ASTN2: variants seen among roughly 807,000 people sequenced by gnomAD.
The protein encoded by ASTN2 is astrotactin 2, also known as astrotactin-2.
In ASTN2, 54 loss-of-function variants were observed where a neutral mutation model predicts 139.8. The observed-to-expected ratio is 0.39, with a 90% CI of 0.31 to 0.48. The LOEUF is 0.48. Among genes scored for constraint, ASTN2 ranks in the 20% least tolerant of loss-of-function variants. The pLI, the probability that ASTN2 is intolerant of heterozygous loss-of-function variation, is 0.95. For synonymous variants in ASTN2, 756 were observed against 719.5 expected (o/e 1.05, Z -0.81); for missense variants, 1,565 against 1,725.1 (o/e 0.91, Z 1.64).
At chr9:116,878,075 T>G (rs1833351381) in intron 10 of ASTN2, among the ~76,000 whole-genome samples, 1 of 152,224 alleles carries the variant, frequency 6.6e-6, no homozygotes, top group Non-Finnish European at 1.5e-5. Context: ...CTGGTGAAGC[T>G]GTGGACAAAT....
At chr9:116,586,837 C>CACACACACACACATACAT (rs1554717132) in intron 19 of ASTN2, among the ~76,000 whole-genome samples, 1 of 149,234 alleles carries the variant, frequency 6.7e-6, no homozygotes, top group Non-Finnish European at 1.5e-5. Context: ...TACATACACA[C>CACACACACACACATACAT]ACACACACAC....
rs1377016960 is a variant in ASTN2 at position 116,904,884 on chromosome 9, G to A, written c.1890-41151C>T. 2.0e-5 allele frequency among the ~76,000 whole-genome samples: 3 copies of A among 152,246 alleles called. No individual in the cohort carries two copies. The East Asian group carries it at 5.8e-4, about 29-fold the overall frequency. On this transcript the variant is annotated intron_variant, in intron 10 of 22. Coordinates refer to ENST00000313400, the MANE Select transcript of ASTN2 (RefSeq NM_001365068.1). ...CTCTAGAAATTCATTTGGTGGTAAC[G>A]TTACAGCTCTATGTTTGCAGCCATT...
intron 1 of ASTN2, among the ~76,000 whole-genome samples, chr9:117,343,695 ACTC>A (rs1829127577): frequency 6.6e-6 from 1 of 152,004 alleles, no homozygotes; most frequent in Non-Finnish European, 1.5e-5. Context: ...GCACATTCTA[ACTC>A]CACCCACATA....
rs993822633 is a variant in ASTN2 at position 116,424,847 on chromosome 9, C to T, written c.*1004G>A. ...CAAGTGATCCACCTGCCCTGGCCTC[C>T]CAAAGTGCTAGGATTACAGGCATGA... On this transcript the variant is annotated 3_prime_UTR_variant, in exon 23 of 23. Coordinates refer to ENST00000313400, the MANE Select transcript of ASTN2 (RefSeq NM_001365068.1). Among the ~76,000 whole-genome samples the T allele has an allele frequency of 1.4e-4, 22 of 152,242 alleles. No homozygotes were observed. The highest frequency in any genetic ancestry group is 3.4e-3 in the Middle Eastern group (1 of 294).
At chr9:117,028,049 C>G (rs1838147089) in intron 6 of ASTN2, among the ~76,000 whole-genome samples, 1 of 152,092 alleles carries the variant, frequency 6.6e-6, no homozygotes, top group South Asian at 2.1e-4. Flanking sequence ...TGTTCTTTCC[C>G]CCACCTCACC....
At chr9:116,970,451 G>T (rs913509970) in intron 10 of ASTN2, among the ~76,000 whole-genome samples, 1 of 152,174 alleles carries the variant, frequency 6.6e-6, no homozygotes, top group African/African-American at 2.4e-5. Context: ...ACCTCCAGGT[G>T]GGTTTGACCA....
chr9:116,826,799 T>C (rs2132278293), intron 11 of ASTN2, among the ~76,000 whole-genome samples: 1 of 152,270 alleles, frequency 6.6e-6, no homozygotes, highest in Non-Finnish European at 1.5e-5. Context: ...CTCACCCCAC[T>C]GCTGCCACTA....
At chr9:116,825,478 C>T (rs1329286507) in intron 11 of ASTN2, among the ~76,000 whole-genome samples, 2 of 152,160 alleles carry the variant, frequency 1.3e-5, no homozygotes, top group East Asian at 3.9e-4. Context: ...TGACTAGATG[C>T]AGGTAGTATG....
chr9:116,843,104 AAAAT>A (rs1324992115), intron 11 of ASTN2, among the ~76,000 whole-genome samples: 4 of 152,216 alleles, frequency 2.6e-5, no homozygotes, highest in Non-Finnish European at 5.9e-5. Flanking sequence ...CATCCAAAAG[AAAAT>A]AAATCGTTCT....
chr9:116,656,682 C>CAAAA (rs33989865), intron 16 of ASTN2, among the ~76,000 whole-genome samples: 3 of 109,914 alleles, frequency 2.7e-5, no homozygotes, highest in African/African-American at 1.0e-4. Context: ...TTGTTGCCAC[C>CAAAA]AAAAAAAAAA....
intron 4 of ASTN2, among the ~76,000 whole-genome samples, chr9:117,125,042 T>C (rs1829653032): frequency 6.6e-6 from 1 of 152,164 alleles, no homozygotes; most frequent in Non-Finnish European, 1.5e-5. Flanking sequence ...ATTATGGTAA[T>C]AAAAATCAAA....
At chr9:116,744,125 G>A (rs1829171925) in intron 13 of ASTN2, among the ~76,000 whole-genome samples, 1 of 152,126 alleles carries the variant, frequency 6.6e-6, no homozygotes, top group Non-Finnish European at 1.5e-5. Context: ...GTGGGGCCTA[G>A]GCAGAAAGAA....
intron 2 of ASTN2, among the ~76,000 whole-genome samples, chr9:117,226,835 T>C (rs955531836): frequency 1.3e-5 from 2 of 152,260 alleles, no homozygotes; most frequent in East Asian, 3.9e-4. Flanking sequence ...ATGAAGAGCC[T>C]TCATCCTTTG....
chr9:117,061,996 G>A (rs1308952777), intron 5 of ASTN2, among the ~76,000 whole-genome samples: 1 of 152,194 alleles, frequency 6.6e-6, no homozygotes, highest in Non-Finnish European at 1.5e-5. Flanking sequence ...AGGTGCTCAA[G>A]GAAACTGAGT....
intron 19 of ASTN2, among the ~76,000 whole-genome samples, chr9:116,604,463 C>A (rs1341484389): frequency 6.6e-6 from 1 of 152,138 alleles, no homozygotes; most frequent in African/African-American, 2.4e-5. Flanking sequence ...CCCCACCCCC[C>A]AATTCTAGCT....
At chr9:116,468,024 T>C (rs1048996320) in intron 20 of ASTN2, among the ~76,000 whole-genome samples, 2 of 152,180 alleles carry the variant, frequency 1.3e-5, no homozygotes, top group African/African-American at 4.8e-5. Flanking sequence ...GAAAGACCCA[T>C]ACCTGTTCAG....
At chr9:116,861,061 T>C (rs1177525474) in intron 11 of ASTN2, among the ~76,000 whole-genome samples, 2 of 152,170 alleles carry the variant, frequency 1.3e-5, no homozygotes, top group Non-Finnish European at 2.9e-5. Context: ...GTTTTAAAAT[T>C]ACATCCTCAA....
chr9:117,186,561 A>G (rs1290554755), intron 3 of ASTN2, among the ~76,000 whole-genome samples: 1 of 151,872 alleles, frequency 6.6e-6, no homozygotes, highest in Non-Finnish European at 1.5e-5. Context: ...AAATAAATAA[A>G]TAAAATAAAA....
chr9:117,085,980 T>C (rs1297360772), intron 5 of ASTN2, among the ~76,000 whole-genome samples: 1 of 152,212 alleles, frequency 6.6e-6, no homozygotes, highest in Non-Finnish European at 1.5e-5. Flanking sequence ...TCTTAGTTTC[T>C]TCATCTGTAA....
Sources: gnomAD v4.1 joint callset for allele counts (sites outside exome capture counted in the v4.1 genomes callset) on GRCh38, gnomAD v4.1.1 for gene constraint, MANE v1.5 for transcripts, NCBI Gene and HGNC (gene_info 2026-07-23, HGNC 2026-07-21) for gene names.